FRMD3: variants seen among roughly 807,000 people sequenced by gnomAD.
FRMD3 encodes the protein FERM domain-containing protein 3.
FRMD3 carries 33 observed loss-of-function variants against 70.2 expected under a neutral mutation model. The ratio of observed to expected loss-of-function variants is 0.47; its 90% CI spans 0.36 to 0.63. The LOEUF (loss-of-function observed/expected upper bound fraction) is 0.63. FRMD3 is among the 20% of genes least tolerant of loss of function. The pLI is 0.00. For synonymous variants in FRMD3, 279 were observed against 255.9 expected (o/e 1.09, Z -0.86); for missense variants, 632 against 711.4 (o/e 0.89, Z 1.27).
chr9:83,545,584 C>T, the FRMD3 span, among the ~76,000 whole-genome samples: 1 of 151,872 alleles, frequency 6.6e-6, no homozygotes, highest in Non-Finnish European at 1.5e-5. Flanking sequence ...GTCTTGATCT[C>T]CTGACCTCGT....
chr9:83,534,573 T>C (rs2131561951), intron 1 of FRMD3, among the ~76,000 whole-genome samples: 1 of 152,282 alleles, frequency 6.6e-6, no homozygotes, highest in Middle Eastern at 3.4e-3. Flanking sequence ...ACATGCCCTT[T>C]CACCATCACA....
intron 2 of FRMD3, among the ~76,000 whole-genome samples, chr9:83,387,218 C>T (rs1283619340): frequency 6.6e-6 from 1 of 152,196 alleles, no homozygotes; most frequent in Non-Finnish European, 1.5e-5. Context: ...ATTCCTTCTA[C>T]ATTTATTAAT....
chr9:83,244,694 T>C lies in FRMD3; in HGVS notation c.*3224A>G, dbSNP rs937692841. Reference sequence around the variant, plus strand: ...ATATAAAACAATCTGGATGTTGACATAGAAATGCAAATTTCACTATACAAA... The same window carrying C: ...ATATAAAACAATCTGGATGTTGACACAGAAATGCAAATTTCACTATACAAA... On this transcript the variant is annotated 3_prime_UTR_variant, in exon 14 of 14. Coordinates refer to ENST00000304195, the MANE Select transcript of FRMD3 (RefSeq NM_174938.6). The C allele has an allele frequency of 3.0e-6, 3 of 984,944 alleles. No homozygotes were observed. Among genetic ancestry groups the C allele is most frequent in the African/African-American group, 3.5e-5 (2 of 57,232 alleles). The allele number at this position is 984,944 out of a possible 1,614,324, so 61.0% of individuals were successfully genotyped here. A position where few individuals can be genotyped will look rare whatever the true frequency, so the allele number is the denominator to read the frequency against.
intron 6 of FRMD3, among the ~76,000 whole-genome samples, chr9:83,332,748 C>G (rs569329877): frequency 6.6e-6 from 1 of 152,298 alleles, no homozygotes; most frequent in East Asian, 1.9e-4. Flanking sequence ...TTGGGTCCCT[C>G]AAACCCCAAC....
the FRMD3 span, among the ~76,000 whole-genome samples, chr9:83,549,926 T>TGATAG: frequency 6.6e-6 from 1 of 152,202 alleles, no homozygotes; most frequent in East Asian, 1.9e-4. Context: ...GATAGTTTGT[T>TGATAG]TTGCTGTGCA....
At chr9:83,542,421 A>T (rs1830009967), upstream of FRMD3, among the ~76,000 whole-genome samples, 1 of 152,234 alleles carries the variant, frequency 6.6e-6, no homozygotes. Context: ...GATCTTTATG[A>T]GGAAAACTAC....
the FRMD3 span, among the ~76,000 whole-genome samples, chr9:83,573,226 A>G: frequency 6.6e-6 from 1 of 151,312 alleles, no homozygotes; most frequent in Non-Finnish European, 1.5e-5. Flanking sequence ...AAAAAAAAGG[A>G]AGAAGATTCA....
Position 83,372,904 on chromosome 9 carries a change from G to A in FRMD3, c.295+9C>T, listed in dbSNP as rs768467107. ...TGTAGCAAAAGTAAAGTCACAGATT[G>A]ACACTTACTTTTCATTTGCTTGAAG... is the stretch of plus-strand genomic sequence containing the variant. On this transcript the variant is annotated intron_variant, in intron 3 of 13. Coordinates refer to ENST00000304195, the MANE Select transcript of FRMD3 (RefSeq NM_174938.6). 1.8e-5 allele frequency: 29 copies of A among 1,608,622 alleles called. No individual in the cohort carries two copies. The East Asian group carries it at 6.2e-4, about 35-fold the overall frequency.
chr9:83,356,424 C>T (rs538776902), intron 3 of FRMD3, among the ~76,000 whole-genome samples: 4 of 151,670 alleles, frequency 2.6e-5, no homozygotes, highest in Non-Finnish European at 4.4e-5. Context: ...TACAGGCACC[C>T]GCCACCACTT....
At chr9:83,349,017 C>A (rs1413671853) in intron 4 of FRMD3, among the ~76,000 whole-genome samples, 1 of 152,206 alleles carries the variant, frequency 6.6e-6, no homozygotes, top group African/African-American at 2.4e-5. Context: ...TTTGTGGTCA[C>A]CAAGCCAGAG....
the FRMD3 span, among the ~76,000 whole-genome samples, chr9:83,560,005 T>C: frequency 1.3e-5 from 2 of 152,148 alleles, no homozygotes; most frequent in Admixed American, 1.3e-4. Context: ...TGCATCCCCG[T>C]GTGCTTTACA....
intron 6 of FRMD3, among the ~76,000 whole-genome samples, chr9:83,318,414 G>A (rs1160642371): frequency 2.0e-5 from 3 of 151,992 alleles, no homozygotes; most frequent in Non-Finnish European, 4.4e-5. Context: ...CCATGTTACT[G>A]CAAAAGACAT....
At chr9:83,372,762 A>C (rs924566927) in intron 3 of FRMD3, 151 bp downstream of exon 3, 1 of 707,114 alleles carries the variant, frequency 1.4e-6, no homozygotes, top group Non-Finnish European at 2.5e-6. Context: ...GAGGGGAGAA[A>C]ATACAGAGCT....
rs185141579 is a variant in FRMD3 at position 83,436,674 on chromosome 9, C to T, written c.148-46966G>A. ...TTTAACACTCTGTCCTGGACCTAGA[C>T]AAAAATACAATTTTGCTTTTAAATT... On this transcript the variant is annotated intron_variant, in intron 1 of 13. Transcript: ENST00000304195. 4.1e-3 allele frequency among the ~76,000 whole-genome samples: 621 copies of T among 150,450 alleles called. 2 individuals carry two copies. The highest frequency in any genetic ancestry group is 6.6e-3 in the Non-Finnish European group (445 of 67,752).
At chr9:83,407,882 C>CTCTCTCTCTCTCTCTCTCTCATCTT (rs1826167537) in intron 1 of FRMD3, among the ~76,000 whole-genome samples, 1 of 129,676 alleles carries the variant, frequency 7.7e-6, no homozygotes, top group African/African-American at 3.8e-5. Context: ...TCATCTTTCT[C>CTCTCTCTCTCTCTCTCTCTCATCTT]TCTCTCTCTC....
intron 10 of FRMD3, among the ~76,000 whole-genome samples, chr9:83,306,495 C>A (rs749203023): frequency 6.6e-6 from 1 of 152,160 alleles, no homozygotes; most frequent in Non-Finnish European, 1.5e-5. Flanking sequence ...TGGTACCCTA[C>A]GGGAGCTTGG....
At chr9:83,331,876 T>G (rs1823387680) in intron 6 of FRMD3, 5 of 717,348 alleles carry the variant, frequency 7.0e-6, no homozygotes, top group Non-Finnish European at 1.3e-5. Flanking sequence ...AGAATTGCAT[T>G]TCCTTGATCC....
chr9:83,304,081 A>G (rs1587702202), intron 10 of FRMD3, among the ~76,000 whole-genome samples: 1 of 152,280 alleles, frequency 6.6e-6, no homozygotes, highest in African/African-American at 2.4e-5. Context: ...ATTCCTTTCT[A>G]TGGCTGAATG....
chr9:83,457,660 T>C (rs1827855563), intron 1 of FRMD3, among the ~76,000 whole-genome samples: 1 of 152,212 alleles, frequency 6.6e-6, no homozygotes, highest in Non-Finnish European at 1.5e-5. Context: ...AAAAAGTCTG[T>C]ACTGTTCACC....
Sources: allele counts gnomAD v4.1 joint callset (sites outside exome capture counted in the v4.1 genomes callset), GRCh38; gene constraint gnomAD v4.1.1; transcripts MANE v1.5; gene names NCBI Gene and HGNC (gene_info 2026-07-23, HGNC 2026-07-21).